The following CCDC43 variants were observed in gnomAD, a reference collection of about 807,000 sequenced individuals.
CCDC43 encodes coiled-coil domain containing 43.
A neutral mutation model predicts 33.3 loss-of-function variants in CCDC43; 20 were observed. The observed-to-expected ratio is 0.60, with a 90% CI of 0.42 to 0.87. The LOEUF (loss-of-function observed/expected upper bound fraction) is 0.87. Among genes scored for constraint, CCDC43 ranks in the 40% least tolerant of loss-of-function variants. The pLI is 0.00. For missense variants in CCDC43, 248 were observed against 269.9 expected (o/e 0.92, Z 0.57); for synonymous variants, 104 against 106.5 (o/e 0.98, Z 0.14).
chr17:44,683,565 T>C (rs1241486572), intron 2 of CCDC43, among the ~76,000 whole-genome samples: 1 of 150,402 alleles, frequency 6.6e-6, no homozygotes, highest in Non-Finnish European at 1.5e-5. Flanking sequence ...TAGGAAGTGG[T>C]AAAAATATAG....
At chr17:44,684,081 G>A in intron 1 of CCDC43, 122 bp from the exon 2 acceptor site, 2 of 665,728 alleles carry the variant, frequency 3.0e-6, no homozygotes, top group South Asian at 1.7e-5. Context: ...GGGTCTGGGA[G>A]CCACAATAGA....
In CCDC43 at chr17:44,682,111, A is replaced by G. The variant is rs777531897; in HGVS notation, c.320T>C (p.Ile107Thr). 8.7e-6 allele frequency: 14 copies of G among 1,613,842 alleles called. No homozygotes were observed. The highest frequency in any genetic ancestry group is 5.5e-5 in the South Asian group (5 of 91,090). Reference sequence around the variant, plus strand: ...TACTACGATTTGTGCCTGCTTCTCAATTAGGGTGGCAATGGCCTGTACTTC... The same window carrying G: ...TACTACGATTTGTGCCTGCTTCTCAGTTAGGGTGGCAATGGCCTGTACTTC... ...EDEVQAIATL[I>T]EKQAQIVVKP... The change falls in exon 3 of 5, where the codon ATT becomes ACT. Residue 107 changes from isoleucine to threonine, a missense_variant. Coordinates refer to ENST00000315286, the MANE Select transcript of CCDC43 (RefSeq NM_144609.3).
chr17:44,678,731 A>C lies in CCDC43; in HGVS notation c.*125T>G. ...AGAAGTGATTTTGATTTTCCTTTTG[A>C]CCATGTAAACAATAGGGGAAATGCC... On this transcript the variant is annotated 3_prime_UTR_variant, in exon 5 of 5. Coordinates refer to ENST00000315286, the MANE Select transcript of CCDC43 (RefSeq NM_144609.3). The C allele has an allele frequency of 1.0e-6, 1 of 962,696 alleles. No individual in the cohort carries two copies. The highest frequency in any genetic ancestry group is 1.5e-6 in the Non-Finnish European group (1 of 660,780). The allele number at this position is 962,696 out of a possible 1,614,324, so 59.6% of individuals were successfully genotyped here. A position where few individuals can be genotyped will look rare whatever the true frequency, so the allele number is the denominator to read the frequency against.
At chr17:44,682,255 G>A (rs1972174361) in intron 2 of CCDC43, 117 bp from the exon 3 acceptor site, 21 of 1,255,374 alleles carry the variant, frequency 1.7e-5, no homozygotes, top group Non-Finnish European at 2.3e-5. Flanking sequence ...CCTCCTTAGA[G>A]CCTGGCAGTT....
intron 4 of CCDC43, 91 bp downstream of exon 4, chr17:44,680,493 TA>T: frequency 1.1e-6 from 1 of 894,430 alleles, no homozygotes; most frequent in Non-Finnish European, 1.9e-6. Flanking sequence ...TTCCTGAAGG[TA>T]AAGGGGAGCC....
At chr17:44,686,734 T>C (rs1417983577) in intron 1 of CCDC43, among the ~76,000 whole-genome samples, 2 of 152,214 alleles carry the variant, frequency 1.3e-5, no homozygotes, top group Non-Finnish European at 2.9e-5. Flanking sequence ...TAGTGATGCT[T>C]TTCCATGCTA....
intron 1 of CCDC43, chr17:44,687,761 T>C (rs1972261503): frequency 6.6e-6 from 1 of 152,220 alleles, no homozygotes; most frequent in Admixed American, 6.5e-5. Context: ...AAATAAAAAC[T>C]ACCTTAAATT....
chr17:44,682,163 A>T, intron 2 of CCDC43, 25 bp from the exon 3 acceptor site: 1 of 1,613,652 alleles, frequency 6.2e-7, no homozygotes, highest in South Asian at 1.1e-5. Flanking sequence ...AAGGAAGAAC[A>T]AGGTTGTATG....
chr17:44,678,894 C>A lies in CCDC43; in HGVS notation c.637G>T (p.Glu213Ter), dbSNP rs796431121. The change falls in exon 5 of 5, where the codon GAA becomes TAA. Residue 213 changes from glutamate to a stop codon, truncating the protein, a stop_gained. Transcript: ENST00000315286. LOFTEE classifies it high-confidence loss of function. ...TCCCCTCTCTGTGTCCTTTTTTTTT[C>A]CTTTTCCTTGCGCTCCTGCTTGGCT... ...KLAKQERKEK[E>*]KKRTQRGERK... The A allele has an allele frequency of 6.2e-7, 1 of 1,604,006 alleles. No individual in the cohort carries two copies. Among genetic ancestry groups the A allele is most frequent in the Non-Finnish European group, 8.5e-7 (1 of 1,176,806 alleles).
At chr17:44,682,707 T>G (rs887322955) in intron 2 of CCDC43, among the ~76,000 whole-genome samples, 9 of 151,924 alleles carry the variant, frequency 5.9e-5, no homozygotes, top group African/African-American at 2.2e-4. Context: ...AATACAAAAA[T>G]TAGCCAGGCG....
At chr17:44,685,627 G>A (rs937228366) in intron 1 of CCDC43, among the ~76,000 whole-genome samples, 8 of 152,052 alleles carry the variant, frequency 5.3e-5, no homozygotes, top group African/African-American at 1.7e-4. Flanking sequence ...TAATAAACAC[G>A]AGCACTTCCC....
intron 4 of CCDC43, 56 bp from the exon 5 acceptor site, chr17:44,679,099 C>T (rs1972119780): frequency 7.2e-7 from 1 of 1,391,640 alleles, no homozygotes; most frequent in South Asian, 1.4e-5. Flanking sequence ...CCTACTGCTG[C>T]CTTTCCTCAT....
intron 3 of CCDC43, 97 bp from the exon 4 acceptor site, chr17:44,680,740 G>T: frequency 2.4e-6 from 2 of 846,464 alleles, no homozygotes; most frequent in Non-Finnish European, 4.1e-6. Context: ...CACACTGAAT[G>T]GAGGGAGCAC....
intron 4 of CCDC43, among the ~76,000 whole-genome samples, chr17:44,679,961 AAG>A (rs978223387): frequency 1.1e-4 from 17 of 152,208 alleles, no homozygotes; most frequent in South Asian, 2.1e-4. Context: ...TTTGAGGAAA[AAG>A]AGAAAATTTC....
At chr17:44,681,878 T>C (rs915260488) in intron 3 of CCDC43, 125 bp downstream of exon 3, 22 of 1,122,328 alleles carry the variant, frequency 2.0e-5, no homozygotes, top group Non-Finnish European at 2.7e-5. Context: ...CATAGATTAC[T>C]GCCATTTTAG....
At chr17:44,688,097 T>TA (rs1036913076) in intron 1 of CCDC43, 8 of 152,168 alleles carry the variant, frequency 5.3e-5, no homozygotes, top group African/African-American at 1.7e-4. Context: ...TTCTGCCTTC[T>TA]ACCCTTTTAA....
At chr17:44,689,511 GC>G in intron 1 of CCDC43, 38 bp downstream of exon 1, 1 of 1,613,168 alleles carries the variant, frequency 6.2e-7, no homozygotes, top group Non-Finnish European at 8.5e-7. Context: ...GTCCTCAGAT[GC>G]TGGCCAGAGG....
At position 44,679,001 on chromosome 17, in the gene CCDC43, C is replaced by T. The variant is rs754010368; in HGVS notation, c.530G>A (p.Arg177Gln). ...CCGAAGTGAGTCTCGCTCCAGTTTT[C>T]GGGCATTAAGGACATCTTCCACATT... The part of the protein sequence containing the change: ...NTNVEDVLNA[R>Q]KLERDSLRDE... Residue 177 changes from arginine (R) to glutamine (Q), a missense_variant, in exon 5 of 5, where the codon CGA becomes CAA. Arg to Gln is a conservative substitution (Grantham distance 43, BLOSUM62 1). Coordinates refer to ENST00000315286, the MANE Select transcript of CCDC43 (RefSeq NM_144609.3). 71 of 1,613,556 alleles carry T rather than the reference C, an allele frequency of 4.4e-5. 3 individuals carry two copies. Among genetic ancestry groups the T allele is most frequent in the South Asian group, 3.7e-4 (34 of 91,072 alleles).
chr17:44,682,391 TA>T (rs67280453), intron 2 of CCDC43, among the ~76,000 whole-genome samples: 113 of 100,982 alleles, frequency 1.1e-3, no homozygotes, highest in African/African-American at 2.2e-3. Flanking sequence ...TCTGCTGCCT[TA>T]AAAAAAAAAA....
Sources: gnomAD v4.1 joint callset for allele counts (sites outside exome capture counted in the v4.1 genomes callset) on GRCh38, gnomAD v4.1.1 for gene constraint, MANE v1.5 for transcripts, NCBI Gene and HGNC (gene_info 2026-07-23, HGNC 2026-07-21) for gene names.